The following NOTCH3 variants were observed in gnomAD, a reference collection of about 807,000 sequenced individuals.
The protein encoded by NOTCH3 is notch receptor 3, also known as neurogenic locus notch homolog protein 3.
In NOTCH3, 86 loss-of-function variants were observed where a neutral mutation model predicts 213.3. The ratio of observed to expected loss-of-function variants is 0.40; its 90% CI spans 0.34 to 0.48. The LOEUF (loss-of-function observed/expected upper bound fraction) is 0.48. Ranked by LOEUF, NOTCH3 falls within the 20% of genes least tolerant of loss-of-function variation. The probability of loss-of-function intolerance (pLI) is 0.57; values close to 1 mark genes in which losing one functional copy is unlikely to be tolerated. For missense variants in NOTCH3, 2,783 were observed against 3,272.6 expected, an observed-to-expected ratio of 0.85 and a Z score of 3.65; for synonymous variants, 1,354 against 1,355.9, an observed-to-expected ratio of 1.00 and a Z score of 0.03.
intron 2 of NOTCH3, among the ~76,000 whole-genome samples, chr19:15,196,853 T>C (rs1191710389): frequency 1.2e-4 from 19 of 152,188 alleles, no homozygotes; most frequent in Admixed American, 1.2e-3. Context: ...CTGAGCTCTT[T>C]CTGTCTCTGC....
At chr19:15,183,309 T>C (rs919132079) in intron 16 of NOTCH3, among the ~76,000 whole-genome samples, 1 of 152,226 alleles carries the variant, frequency 6.6e-6, no homozygotes, top group Non-Finnish European at 1.5e-5. Flanking sequence ...TTTCTGTTTA[T>C]TTTTTAATGT....
At chr19:15,177,261 A>T (rs141966586) in intron 24 of NOTCH3, among the ~76,000 whole-genome samples, 6 of 151,864 alleles carry the variant, frequency 4.0e-5, no homozygotes, top group African/African-American at 1.5e-4. Context: ...GAAAAAAAAA[A>T]AAAAGTAATT....
In NOTCH3 at chr19:15,188,970, G is replaced by T; in HGVS notation, c.1378+19C>A. On this transcript the variant is annotated intron_variant, in intron 8 of 32. Coordinates refer to ENST00000263388, the MANE Select transcript of NOTCH3 (RefSeq NM_000435.3). ...CGCCCCCTGCCTCAGGACCCGCCCA[G>T]GCCACGCCCACCACCCACCTGCCAT... 1 of 1,604,106 alleles carries T rather than the reference G, an allele frequency of 6.2e-7. No individual in the cohort carries two copies.
At chr19:15,197,359 G>A (rs148074724) in intron 2 of NOTCH3, 141 bp downstream of exon 2, 31 of 789,582 alleles carry the variant, frequency 3.9e-5, no homozygotes, top group Admixed American at 2.4e-4. Flanking sequence ...GGGGAAACAC[G>A]AGAGGTTGCC....
chr19:15,183,605 G>C (rs990575722), intron 16 of NOTCH3, among the ~76,000 whole-genome samples: 36 of 152,112 alleles, frequency 2.4e-4, no homozygotes, highest in Non-Finnish European at 2.2e-4. Context: ...CTCCATGTTG[G>C]CCAGGCTGGT....
At chr19:15,183,654 C>T (rs2046857428) in intron 16 of NOTCH3, among the ~76,000 whole-genome samples, 1 of 152,204 alleles carries the variant, frequency 6.6e-6, no homozygotes, top group African/African-American at 2.4e-5. Flanking sequence ...CCACCTTGGC[C>T]TCCCAAAGTG....
In NOTCH3 at chr19:15,192,003, G is replaced by A. The variant is rs771859214; in HGVS notation, c.636C>T (p.Cys212=). The A allele has an allele frequency of 1.2e-6, 2 of 1,613,220 alleles. No homozygotes were observed. The highest frequency in any genetic ancestry group is 2.2e-5 in the South Asian group (2 of 91,078). Residue 212 remains cysteine (C), a synonymous_variant, in exon 4 of 33, where the codon TGC becomes TGT. Coordinates refer to ENST00000263388, the MANE Select transcript of NOTCH3 (RefSeq NM_000435.3). ...CGTAAGTGAGGTCGCCACTCTGCCT[G>A]CAGGTGCCCCCGTTACGGCATGGTG... ...APSPCRNGGT[C]RQSGDLTYDC...
chr19:15,174,414 G>A lies in NOTCH3; in HGVS notation c.4404-14C>T, dbSNP rs1435391984. On this transcript the variant is annotated splice_polypyrimidine_tract_variant and intron_variant, in intron 24 of 32. Transcript: ENST00000263388. The stretch of plus-strand genomic sequence containing the variant: ...TCGTACACCGGGCTGGTGGGGAAGG[G>A]TGAGGCAGAGAGGGGCGGAGTCAGG... 6.6e-7 allele frequency: 1 copy of A among 1,507,664 alleles called. No individual in the cohort carries two copies. The highest frequency in any genetic ancestry group is 1.4e-5 in the African/African-American group (1 of 72,486). 93.4% of individuals were successfully genotyped at this position (1,507,664 alleles called of 1,614,324 possible).
Position 15,179,347 on chromosome 19 carries a change from C to G in NOTCH3, c.3460+17G>C. On this transcript the variant is annotated intron_variant, in intron 21 of 32. Coordinates refer to ENST00000263388, the MANE Select transcript of NOTCH3 (RefSeq NM_000435.3). ...ACAGCCTCTCATCCTGTCCCCCCAA[C>G]CCTGGCCCTGGCATACCCAGCGTTC... 1.2e-6 allele frequency: 2 copies of G among 1,611,306 alleles called. No individual in the cohort carries two copies. The highest frequency in any genetic ancestry group is 1.1e-5 in the South Asian group (1 of 91,020).
rs767539048 is a variant in NOTCH3 at position 15,192,034 on chromosome 19, G to A, written c.605C>T (p.Ala202Val). The change falls in exon 4 of 33, where the codon GCA (alanine) becomes GTA (valine). Residue 202 changes from alanine to valine, a missense_variant. By Grantham distance (64) the Ala-to-Val change is moderately conservative (BLOSUM62 0). This residue lies in a region of NOTCH3 where 708 missense variants were observed against 906.6 expected (regional missense o/e 0.78). Coordinates refer to ENST00000263388, the MANE Select transcript of NOTCH3 (RefSeq NM_000435.3). The stretch of plus-strand genomic sequence containing the variant: ...GCCCCCGTTACGGCATGGTGAGGGT[G>A]CACAGGGCACCGCGGGGTTCTCACA... ...PLCENPAVPC[A>V]PSPCRNGGTC... is the part of the protein sequence containing the mutation. 2.5e-5 allele frequency: 40 copies of A among 1,612,952 alleles called. No individual in the cohort carries two copies. In the Admixed American group the frequency reaches 3.2e-4, roughly 13 times the overall value.
In NOTCH3 at chr19:15,174,735, G is replaced by A. The variant is rs367655150; in HGVS notation, c.4404-335C>T. Among the ~76,000 whole-genome samples, 416 of 152,068 alleles carry A rather than the reference G, an allele frequency of 2.7e-3. 4 individuals are homozygous for A. The highest frequency in any genetic ancestry group is 5.1e-3 in the Non-Finnish European group (345 of 67,990). ...ATTACAGGCATGCACCACCACGCCC[G>A]TCTAATTTTTGTATTTTTAGCAGAG... On this transcript the variant is annotated intron_variant, in intron 24 of 32. Coordinates refer to ENST00000263388, the MANE Select transcript of NOTCH3 (RefSeq NM_000435.3).
In NOTCH3 at chr19:15,185,447, G is replaced by T; in HGVS notation, c.2145-39C>A. 1 of 1,612,058 alleles carries T rather than the reference G, an allele frequency of 6.2e-7. No homozygotes were observed. Among genetic ancestry groups the T allele is most frequent in the South Asian group, 1.1e-5 (1 of 91,006 alleles). On this transcript the variant is annotated intron_variant, in intron 13 of 32. Coordinates refer to ENST00000263388, the MANE Select transcript of NOTCH3 (RefSeq NM_000435.3). This position sits in a 1 kb window ranked among gnomAD's most constrained non-coding sequence, Gnocchi z 4.2. ...GTAGTCAGGCCAGGGAGGTGGGCCA[G>T]GGAGAGGGGGCAGTGTCTGAGGCTG...
Position 15,181,664 on chromosome 19 carries a change from T to C in NOTCH3, c.2704A>G (p.Thr902Ala). 6.4e-7 allele frequency: 1 copy of C among 1,553,566 alleles called. No individual in the cohort carries two copies. The change falls in exon 17 of 33, where the codon ACC (threonine) becomes GCC (alanine). Residue 902 changes from threonine to alanine, a missense_variant. Physicochemically the swap from Thr to Ala is moderately conservative, Grantham distance 58. Coordinates refer to ENST00000263388, the MANE Select transcript of NOTCH3 (RefSeq NM_000435.3). ...CAGGTGAAGGAGGCCACGTGGTCGG[T>C]ACAGGTGCCCGGGCCGCAGGGGTTG... ...LSNPCGPGTCTDHVASFTCTC... is the reference protein window; with the variant it reads ...LSNPCGPGTCADHVASFTCTC...
intron 25 of NOTCH3, among the ~76,000 whole-genome samples, chr19:15,172,992 TCCC>T (rs1366156145): frequency 1.0e-4 from 11 of 110,122 alleles, no homozygotes; most frequent in African/African-American, 4.1e-4. Flanking sequence ...CTCCTCCTCC[TCCC>T]CCTCCCCCTC....
chr19:15,159,109 A>G lies in NOTCH3; in HGVS notation c.*1553T>C, dbSNP rs1439159424. 3 of 152,174 alleles carry G rather than the reference A, an allele frequency of 2.0e-5. No homozygotes were observed. The highest frequency in any genetic ancestry group is 7.2e-5 in the African/African-American group (3 of 41,440). The allele number at this position is 152,174 out of a possible 1,614,324, so 9.4% of individuals were successfully genotyped here. The stretch of plus-strand genomic sequence containing the variant: ...CAAAACCCATAGGAGCATGAAGTAA[A>G]AGTGAAATTCATGCAGAACCATGAT... On this transcript the variant is annotated 3_prime_UTR_variant, in exon 33 of 33. Coordinates refer to ENST00000263388, the MANE Select transcript of NOTCH3 (RefSeq NM_000435.3).
Position 15,181,165 on chromosome 19 carries a change from G to A in NOTCH3, c.2793-3C>T, listed in dbSNP as rs774733920. On this transcript the variant is annotated splice_region_variant and splice_polypyrimidine_tract_variant and intron_variant, in intron 17 of 32. Coordinates refer to ENST00000263388, the MANE Select transcript of NOTCH3 (RefSeq NM_000435.3). Reference sequence around the variant, plus strand: ...AGGTCCCGCCATTGAAGCAGGAGCTGGAGCGGAAGGAGTGGGAGGGAGGAT... The same window carrying A: ...AGGTCCCGCCATTGAAGCAGGAGCTAGAGCGGAAGGAGTGGGAGGGAGGAT... 3.1e-6 allele frequency: 5 copies of A among 1,609,964 alleles called. No homozygotes were observed. The highest frequency in any genetic ancestry group is 1.7e-5 in the Admixed American group (1 of 59,666).
At position 15,180,736 on chromosome 19, in the gene NOTCH3, G is replaced by A. The variant is rs1377981313; in HGVS notation, c.3087C>T (p.Ser1029=). 1.0e-5 allele frequency: 16 copies of A among 1,578,908 alleles called. No individual in the cohort carries two copies. The highest frequency in any genetic ancestry group is 1.9e-5 in the Admixed American group (1 of 53,938). ...GAYCLCPPGW[S]GRLCDIRSLP... is the part of the protein sequence containing the mutation. ...AGCTTCGGATGTCACAGAGGCGTCC[G>A]CTCCATCCAGGGGGACAAAGGCAAT... The change falls in exon 19 of 33, where the codon AGC becomes AGT. Residue 1029 remains serine, a synonymous_variant. Transcript: ENST00000263388.
chr19:15,161,563 C>G lies in NOTCH3; in HGVS notation c.6065G>C (p.Arg2022Pro). Reference protein sequence around the residue: ...AQERLHQDIVRLLDQPSGPRS... With the variant: ...AQERLHQDIVPLLDQPSGPRS... ...GGGCCCACTGGGTTGATCCAGCAAG[C>G]GCACGATGTCCTGGTGCAGTCTCTC... Residue 2022 changes from arginine to proline, a missense_variant, in exon 33 of 33, where the codon CGC (arginine) becomes CCC (proline). By Grantham distance (103) the Arg-to-Pro change is moderately radical. This residue lies in a region of NOTCH3 where 441 missense variants were observed against 432.1 expected (regional missense o/e 1.02). Transcript: ENST00000263388. 1 of 1,609,246 alleles carries G rather than the reference C, an allele frequency of 6.2e-7. No homozygotes were observed. The highest frequency in any genetic ancestry group is 8.5e-7 in the Non-Finnish European group (1 of 1,178,112).
chr19:15,166,194 A>ACGT, intron 29 of NOTCH3, 103 bp from the exon 30 acceptor site: 1 of 980,112 alleles, frequency 1.0e-6, no homozygotes, highest in Non-Finnish European at 1.6e-6. Flanking sequence ...ACATGGAAAA[A>ACGT]TGACAATTAG....
Sources: gnomAD v4.1 joint callset for allele counts (sites outside exome capture counted in the v4.1 genomes callset) on GRCh38, gnomAD v4.1.1 for gene constraint, gnomAD v4.1.1 regional missense constraint, Gnocchi (gnomAD v3.1) non-coding constraint, MANE v1.5 for transcripts, NCBI Gene and HGNC (gene_info 2026-07-23, HGNC 2026-07-21) for gene names.